Variants in ZMAT4 observed in about 807,000 individuals in gnomAD.
The protein encoded by ZMAT4 is zinc finger matrin-type protein 4.
In ZMAT4, 17 loss-of-function variants were observed where a neutral mutation model predicts 28.7. The ratio of observed to expected loss-of-function variants is 0.59; its 90% confidence interval spans 0.41 to 0.89. The LOEUF (loss-of-function observed/expected upper bound fraction) is 0.89. Ranked by LOEUF, ZMAT4 falls within the 40% of genes least tolerant of loss-of-function variation. The probability of loss-of-function intolerance (pLI) is 0.00; values close to 1 mark genes in which losing one functional copy is unlikely to be tolerated. For missense variants in ZMAT4, 240 were observed against 283.8 expected, an observed-to-expected ratio of 0.85 and a Z score of 1.11; for synonymous variants, 117 against 109.2, an observed-to-expected ratio of 1.07 and a Z score of -0.44.
intron 6 of ZMAT4, among the ~76,000 whole-genome samples, chr8:40,567,439 AAAG>A (rs1326928198): frequency 6.6e-6 from 1 of 152,114 alleles, no homozygotes; most frequent in African/African-American, 2.4e-5. Flanking sequence ...TTAACTCAAA[AAAG>A]AAGAAAAGCC....
In ZMAT4 at chr8:40,721,819, T is replaced by G. The variant is rs1258005450; in HGVS notation, c.193-24418A>C. On this transcript the variant is annotated intron_variant, in intron 3 of 6. Transcript: ENST00000297737. ...TTCATGTCCTTCGCCCACTTTTTGA[T>G]GGGGTTGTTTGTTTTTTTCTTGTAA... Among the ~76,000 whole-genome samples, 6 of 151,962 alleles carry G rather than the reference T, an allele frequency of 3.9e-5. No individual in the cohort carries two copies. In the East Asian group the frequency reaches 1.2e-3, roughly 29 times the overall value.
chr8:40,708,155 C>A (rs1290366190), intron 3 of ZMAT4, among the ~76,000 whole-genome samples: 2 of 152,126 alleles, frequency 1.3e-5, no homozygotes, highest in Admixed American at 1.3e-4. Flanking sequence ...AGCATCTGTG[C>A]AGGGAAATAG....
intron 3 of ZMAT4, among the ~76,000 whole-genome samples, chr8:40,751,624 A>C (rs995150623): frequency 6.6e-6 from 1 of 152,142 alleles, no homozygotes; most frequent in Non-Finnish European, 1.5e-5. Flanking sequence ...CAAATAACCA[A>C]ACTATAACAT....
At chr8:40,684,821 T>C (rs1809328124) in intron 4 of ZMAT4, among the ~76,000 whole-genome samples, 1 of 152,140 alleles carries the variant, frequency 6.6e-6, no homozygotes, top group African/African-American at 2.4e-5. Context: ...TTAGAATGAA[T>C]TTACGGAAGT....
chr8:40,619,037 C>T (rs1806112384), intron 5 of ZMAT4, among the ~76,000 whole-genome samples: 1 of 152,170 alleles, frequency 6.6e-6, no homozygotes, highest in African/African-American at 2.4e-5. Context: ...GTAGTCCCAC[C>T]TGAGAGGTGA....
chr8:40,813,979 G>T (rs1011399931), intron 2 of ZMAT4, among the ~76,000 whole-genome samples: 1 of 152,192 alleles, frequency 6.6e-6, no homozygotes, highest in Non-Finnish European at 1.5e-5. Context: ...TGACAGCAAA[G>T]GTGATCCCAG....
At chr8:40,814,062 C>T (rs761995291) in intron 2 of ZMAT4, among the ~76,000 whole-genome samples, 17 of 152,310 alleles carry the variant, frequency 1.1e-4, no homozygotes, top group Admixed American at 5.9e-4. Context: ...ATGGCCTGGG[C>T]ACCTCCTGAA....
chr8:40,883,553 A>G (rs528082480), intron 1 of ZMAT4, among the ~76,000 whole-genome samples: 4 of 152,330 alleles, frequency 2.6e-5, no homozygotes, highest in African/African-American at 9.6e-5. Flanking sequence ...ACCGTAGGTA[A>G]GTCCCTTCTC....
chr8:40,661,088 A>G (rs528734826), intron 5 of ZMAT4, among the ~76,000 whole-genome samples: 2 of 152,270 alleles, frequency 1.3e-5, no homozygotes, highest in East Asian at 3.9e-4. Flanking sequence ...AGTATGTTCT[A>G]CTTGGAGTAA....
chr8:40,850,521 T>C (rs1186554015), intron 1 of ZMAT4, among the ~76,000 whole-genome samples: 2 of 152,192 alleles, frequency 1.3e-5, no homozygotes, highest in Admixed American at 6.6e-5. Flanking sequence ...CCCCCCAAAA[T>C]GTAAGCTTTG....
At chr8:40,810,103 CACAT>C (rs1563499464) in intron 2 of ZMAT4, among the ~76,000 whole-genome samples, 1 of 151,962 alleles carries the variant, frequency 6.6e-6, no homozygotes, top group African/African-American at 2.4e-5. Flanking sequence ...AACATGCACA[CACAT>C]ACATATATAT....
At chr8:40,815,675 G>T (rs181199411) in intron 2 of ZMAT4, among the ~76,000 whole-genome samples, 1 of 152,182 alleles carries the variant, frequency 6.6e-6, no homozygotes, top group African/African-American at 2.4e-5. Context: ...GGCCCCAAAA[G>T]GTAGGCACAA....
chr8:40,750,040 T>A (rs1812391840), intron 3 of ZMAT4, among the ~76,000 whole-genome samples: 1 of 152,176 alleles, frequency 6.6e-6, no homozygotes, highest in Admixed American at 6.5e-5. Context: ...ACTCAGTACA[T>A]CACTCCTATT....
intron 2 of ZMAT4, among the ~76,000 whole-genome samples, chr8:40,803,795 T>C (rs1248772885): frequency 2.0e-5 from 3 of 152,200 alleles, no homozygotes; most frequent in Non-Finnish European, 1.5e-5. Flanking sequence ...TTATAGCAAC[T>C]TTATTCATAA....
At chr8:40,758,696 A>G (rs1238104654) in intron 3 of ZMAT4, among the ~76,000 whole-genome samples, 1 of 152,212 alleles carries the variant, frequency 6.6e-6, no homozygotes. Context: ...TCTAGAAGGA[A>G]GCAAAGAAAA....
chr8:40,712,520 G>T (rs564036446), intron 3 of ZMAT4, among the ~76,000 whole-genome samples: 15 of 152,092 alleles, frequency 9.9e-5, no homozygotes, highest in Non-Finnish European at 2.1e-4. Flanking sequence ...ACATTGTTTC[G>T]CCATCTTTCT....
chr8:40,710,614 G>T (rs2150507272), intron 3 of ZMAT4, among the ~76,000 whole-genome samples: 1 of 150,878 alleles, frequency 6.6e-6, no homozygotes, highest in Middle Eastern at 3.4e-3. Context: ...CCAGCCTTTT[G>T]TGGGGGGAAA....
At chr8:40,630,997 G>C (rs990137228) in intron 5 of ZMAT4, among the ~76,000 whole-genome samples, 2 of 151,306 alleles carry the variant, frequency 1.3e-5, no homozygotes, top group African/African-American at 4.9e-5. Flanking sequence ...TTCATGGCAA[G>C]TGTTGAAAAT....
At chr8:40,831,623 T>A (rs1277565577) in intron 1 of ZMAT4, among the ~76,000 whole-genome samples, 1 of 152,242 alleles carries the variant, frequency 6.6e-6, no homozygotes, top group Non-Finnish European at 1.5e-5. Flanking sequence ...AAAGCTTCTC[T>A]AGAAGATCTA....
Sources: gnomAD v4.1 joint callset for allele counts (sites outside exome capture counted in the v4.1 genomes callset) on GRCh38, gnomAD v4.1.1 for gene constraint, MANE v1.5 for transcripts, NCBI Gene and HGNC (gene_info 2026-07-23, HGNC 2026-07-21) for gene names.